The following UBE2V1 variants were observed in gnomAD, a reference collection of about 807,000 sequenced individuals.
UBE2V1 encodes the protein ubiquitin-conjugating enzyme E2 variant 1.
A neutral mutation model predicts 19.6 loss-of-function variants in UBE2V1; 15 were observed. The observed-to-expected ratio is 0.77, with a 90% CI of 0.51 to 1.18. UBE2V1 has a LOEUF of 1.18. UBE2V1 is among the 50% of genes most tolerant of loss of function. UBE2V1 has a pLI of 0.00. For synonymous variants in UBE2V1, 60 were observed against 60.7 expected, an observed-to-expected ratio of 0.99 and a Z score of 0.05; for missense variants, 125 against 184.8, an observed-to-expected ratio of 0.68 and a Z score of 1.88.
intron 2 of UBE2V1, among the ~76,000 whole-genome samples, chr20:50,087,001 C>T (rs531726535): frequency 4.6e-5 from 7 of 152,156 alleles, no homozygotes; most frequent in Middle Eastern, 3.4e-3. Flanking sequence ...GGCACGAACC[C>T]GGGAGGTGGA....
chr20:50,086,296 TCA>T (rs1302837938), intron 2 of UBE2V1, among the ~76,000 whole-genome samples: 2 of 152,104 alleles, frequency 1.3e-5, no homozygotes, highest in Non-Finnish European at 2.9e-5. Context: ...CAACTGAGGC[TCA>T]GTTATGCATC....
chr20:50,084,688 A>G (rs917749139), intron 2 of UBE2V1: 2 of 377,752 alleles, frequency 5.3e-6, no homozygotes, highest in Non-Finnish European at 1.0e-5. Context: ...TGCTTTAGAG[A>G]ACCTCAAAAT....
upstream of UBE2V1, chr20:50,114,965 C>G (rs1569033820): frequency 6.6e-6 from 1 of 152,084 alleles, no homozygotes; most frequent in Admixed American, 6.6e-5. Flanking sequence ...ACTCGGGAGG[C>G]TGAGGCAGGA....
upstream of UBE2V1, chr20:50,113,208 C>T (rs866808532): frequency 1.6e-5 from 19 of 1,173,518 alleles, no homozygotes; most frequent in Middle Eastern, 5.0e-4. Context: ...CGCAGGCGCG[C>T]GCGCACGCAC....
intron 2 of UBE2V1, chr20:50,095,373 G>A (rs545702017): frequency 2.2e-4 from 34 of 152,242 alleles, no homozygotes; most frequent in African/African-American, 7.0e-4. Flanking sequence ...TTTAGCAGAC[G>A]CAGAAAATTC....
At chr20:50,101,135 G>A (rs192097578) in intron 1 of UBE2V1, among the ~76,000 whole-genome samples, 70 of 152,306 alleles carry the variant, frequency 4.6e-4, no homozygotes, top group African/African-American at 1.6e-3. Context: ...GAGACCCACA[G>A]AGGGAAAGGT....
At chr20:50,084,393 G>A in intron 2 of UBE2V1, 139 bp from the exon 3 acceptor site, 4 of 1,514,386 alleles carry the variant, frequency 2.6e-6, no homozygotes, top group Non-Finnish European at 3.6e-6. Context: ...TTCTGTGGTA[G>A]GTCAGCAGTT....
At chr20:50,094,957 G>C (rs1340508689) in intron 2 of UBE2V1, 2 of 148,570 alleles carry the variant, frequency 1.3e-5, no homozygotes, top group Non-Finnish European at 2.9e-5. Flanking sequence ...GCCTCTTTTG[G>C]AAAGAGATAA....
At chr20:50,104,304 T>C (rs1331740785) in intron 1 of UBE2V1, 5 of 965,020 alleles carry the variant, frequency 5.2e-6, no homozygotes, top group African/African-American at 1.9e-5. Flanking sequence ...AAAAAGGCAG[T>C]ATTTCCTATT....
chr20:50,092,645 C>G (rs1395730905), intron 2 of UBE2V1, among the ~76,000 whole-genome samples: 1 of 152,194 alleles, frequency 6.6e-6, no homozygotes, highest in African/African-American at 2.4e-5. Flanking sequence ...AGAAATATTC[C>G]ATGTCTAACG....
intron 1 of UBE2V1, chr20:50,111,338 CAGATTGTAGGT>C (rs1569025648): frequency 7.0e-6 from 7 of 996,644 alleles, no homozygotes; most frequent in Non-Finnish European, 8.4e-6. Context: ...GCTGTTAACC[CAGATTGTAGGT>C]AGCCAACCGA....
At chr20:50,113,401 G>C (rs1049614331), upstream of UBE2V1, among the ~76,000 whole-genome samples, 1 of 152,250 alleles carries the variant, frequency 6.6e-6, no homozygotes, top group Admixed American at 6.5e-5. Context: ...GGGTGACTAG[G>C]CTTGGGAAGG....
chr20:50,101,027 G>A (rs6125898), intron 1 of UBE2V1, among the ~76,000 whole-genome samples: 43,214 of 152,042 alleles, frequency 0.28, 6,166 homozygotes, highest in Middle Eastern at 0.38. Context: ...TTAGATATTC[G>A]ATTACTTAAA....
At chr20:50,101,480 G>A (rs1209290378) in intron 1 of UBE2V1, among the ~76,000 whole-genome samples, 24 of 122,784 alleles carry the variant, frequency 2.0e-4, no homozygotes, top group Admixed American at 9.6e-4. Flanking sequence ...GTGCAATGAC[G>A]CAATCTCAGC....
At chr20:50,089,372 G>A (rs968273727) in intron 2 of UBE2V1, among the ~76,000 whole-genome samples, 6 of 152,188 alleles carry the variant, frequency 3.9e-5, no homozygotes, top group Non-Finnish European at 8.8e-5. Context: ...CCAGAAAGCT[G>A]GAGGTTGAAA....
chr20:50,104,414 T>C (rs2147154803), intron 1 of UBE2V1: 1 of 938,778 alleles, frequency 1.1e-6, no homozygotes, highest in African/African-American at 1.8e-5. Context: ...TCCCAGCACT[T>C]TGGGAGGCCG....
chr20:50,084,271 C>T lies in UBE2V1; in HGVS notation c.172-17G>A, dbSNP rs373194375. ...ATAAATTGTCTGGAAAAAAAGAGTA[C>T]GGAGATGTCACGCAATTACAAACAA... On this transcript the variant is annotated splice_polypyrimidine_tract_variant and intron_variant, in intron 2 of 3. Coordinates refer to ENST00000371674, the MANE Select transcript of UBE2V1 (RefSeq NM_001032288.3). 1.7e-5 allele frequency: 27 copies of T among 1,610,278 alleles called. No individual in the cohort carries two copies. The highest frequency in any genetic ancestry group is 9.4e-5 in the African/African-American group (7 of 74,836).
At position 50,096,735 on chromosome 20, in the gene UBE2V1, A is replaced by G; in HGVS notation, c.108T>C (p.Gly36=). 6.2e-7 allele frequency: 1 copy of G among 1,614,006 alleles called. No individual in the cohort carries two copies. Among genetic ancestry groups the G allele is most frequent in the Non-Finnish European group, 8.5e-7 (1 of 1,180,002 alleles). The change falls in exon 2 of 4, where the codon GGT becomes GGC. Residue 36 remains glycine (G), a synonymous_variant. Coordinates refer to ENST00000371674, the MANE Select transcript of UBE2V1 (RefSeq NM_001032288.3). ...KGVGDGTVSW[G]LEDDEDMTLT... ...GTGTCATGTCTTCGTCATCTTCTAG[A>G]CCCCAGCTAACTGTGCCATCTCCTA...
At chr20:50,107,798 A>G (rs759400016) in intron 1 of UBE2V1, among the ~76,000 whole-genome samples, 2 of 152,232 alleles carry the variant, frequency 1.3e-5, no homozygotes, top group Non-Finnish European at 2.9e-5. Context: ...TTGAGATAGA[A>G]TCTTGCCCTA....
Sources: gnomAD v4.1 joint callset for allele counts (sites outside exome capture counted in the v4.1 genomes callset) on GRCh38, gnomAD v4.1.1 for gene constraint, MANE v1.5 for transcripts, NCBI Gene and HGNC (gene_info 2026-07-23, HGNC 2026-07-21) for gene names.